EYA2: variants seen among roughly 807,000 people sequenced by gnomAD.
EYA2 encodes EYA transcriptional coactivator and phosphatase 2, also known as protein phosphatase EYA2.
A neutral mutation model predicts 69.2 loss-of-function variants in EYA2; 31 were observed. The ratio of observed to expected loss-of-function variants is 0.45; its 90% CI spans 0.34 to 0.60. EYA2 has a LOEUF of 0.60. Ranked by LOEUF, EYA2 falls within the 20% of genes least tolerant of loss-of-function variation. EYA2 has a pLI of 0.02. For missense variants in EYA2, 622 were observed against 701.2 expected (o/e 0.89, Z 1.28); for synonymous variants, 257 against 279.4 (o/e 0.92, Z 0.80).
intron 10 of EYA2, among the ~76,000 whole-genome samples, chr20:47,143,504 G>C (rs2033639598): frequency 6.6e-6 from 1 of 152,128 alleles, no homozygotes; most frequent in African/African-American, 2.4e-5. Context: ...AATTAGTACA[G>C]ATCCTCCTGG....
intron 1 of EYA2, among the ~76,000 whole-genome samples, chr20:46,948,818 C>T (rs770360483): frequency 1.5e-3 from 222 of 152,212 alleles, no homozygotes; most frequent in Non-Finnish European, 4.0e-4. Context: ...TCTAAGAGCA[C>T]TGTTCTTCAT....
intron 4 of EYA2, among the ~76,000 whole-genome samples, chr20:47,008,645 C>G (rs1459519127): frequency 6.6e-6 from 1 of 152,230 alleles, no homozygotes; most frequent in Non-Finnish European, 1.5e-5. Flanking sequence ...AGTTATTTTA[C>G]TGTCTCAGTT....
At chr20:46,983,407 G>C (rs1351284704) in intron 1 of EYA2, among the ~76,000 whole-genome samples, 1 of 152,142 alleles carries the variant, frequency 6.6e-6, no homozygotes, top group Non-Finnish European at 1.5e-5. Context: ...CTCAAGGCAG[G>C]ATCTATTTTG....
chr20:47,078,356 C>T (rs971472593), intron 7 of EYA2, among the ~76,000 whole-genome samples: 7 of 152,006 alleles, frequency 4.6e-5, no homozygotes, highest in Non-Finnish European at 8.8e-5. Flanking sequence ...CACACACACA[C>T]ACACACATTC....
chr20:46,895,757 C>G, intron 1 of EYA2, among the ~76,000 whole-genome samples: 1 of 152,196 alleles, frequency 6.6e-6, no homozygotes, highest in Non-Finnish European at 1.5e-5. Context: ...GCCTGCCTCC[C>G]CCCCAGCAAT....
At chr20:47,148,017 C>T (rs1414209649) in intron 10 of EYA2, among the ~76,000 whole-genome samples, 2 of 132,414 alleles carry the variant, frequency 1.5e-5, no homozygotes, top group Admixed American at 8.2e-5. Flanking sequence ...AGAGATCGCC[C>T]CACTGTACTC....
chr20:47,120,516 T>C (rs1425141184), intron 9 of EYA2, among the ~76,000 whole-genome samples: 1 of 152,244 alleles, frequency 6.6e-6, no homozygotes, highest in East Asian at 1.9e-4. Context: ...CCATAGCCCG[T>C]GTGCCCAATG....
chr20:47,069,067 A>C (rs534867177), intron 5 of EYA2, among the ~76,000 whole-genome samples: 1 of 152,316 alleles, frequency 6.6e-6, no homozygotes, highest in East Asian at 1.9e-4. Flanking sequence ...CTTATAAAAG[A>C]AGTCTGTTGA....
chr20:47,140,572 C>T (rs1007946223), intron 9 of EYA2, among the ~76,000 whole-genome samples: 8 of 152,170 alleles, frequency 5.3e-5, no homozygotes, highest in Admixed American at 3.9e-4. Context: ...CCTGTCGCTC[C>T]TCTCCCAACT....
At chr20:47,043,616 G>A (rs1466405109) in intron 5 of EYA2, among the ~76,000 whole-genome samples, 2 of 152,184 alleles carry the variant, frequency 1.3e-5, no homozygotes, top group Non-Finnish European at 2.9e-5. Context: ...GGTAGCCTTG[G>A]ACAAGTTTCT....
Position 46,932,387 on chromosome 20 carries a change from G to T in EYA2, c.-11+37400G>T, listed in dbSNP as rs563409092. 2.6e-5 allele frequency among the ~76,000 whole-genome samples: 4 copies of T among 152,296 alleles called. No homozygotes were observed. The East Asian group carries it at 7.7e-4, about 29-fold the overall frequency. On this transcript the variant is annotated intron_variant, in intron 1 of 15. Coordinates refer to ENST00000327619, the MANE Select transcript of EYA2 (RefSeq NM_005244.5). ...TTTAAAGGATGTGGGCTCTGGAATA[G>T]AGTTTAAACCCCAGCTCTGTTAGAT... is the stretch of plus-strand genomic sequence containing the variant.
chr20:47,067,908 T>G (rs1421880017), intron 5 of EYA2, among the ~76,000 whole-genome samples: 1 of 152,228 alleles, frequency 6.6e-6, no homozygotes, highest in Admixed American at 6.5e-5. Context: ...CATTCTGAGT[T>G]GATGTTTCTT....
At chr20:46,962,394 AC>A (rs1367323617) in intron 1 of EYA2, among the ~76,000 whole-genome samples, 1 of 152,154 alleles carries the variant, frequency 6.6e-6, no homozygotes, top group Non-Finnish European at 1.5e-5. Flanking sequence ...TATGCTAATT[AC>A]CCCAATACAT....
intron 7 of EYA2, among the ~76,000 whole-genome samples, chr20:47,086,730 G>T (rs947239747): frequency 1.3e-5 from 2 of 151,934 alleles, no homozygotes; most frequent in Non-Finnish European, 2.9e-5. Context: ...CGGGGACACA[G>T]ATCCAAACCA....
intron 2 of EYA2, among the ~76,000 whole-genome samples, chr20:46,991,113 G>T (rs1220530857): frequency 2.0e-5 from 3 of 152,202 alleles, no homozygotes; most frequent in Non-Finnish European, 4.4e-5. Context: ...TGGACCATTC[G>T]TGTAAACTGC....
intron 14 of EYA2, among the ~76,000 whole-genome samples, chr20:47,182,346 G>T (rs62201431): frequency 6.7e-6 from 1 of 150,316 alleles, no homozygotes; most frequent in Non-Finnish European, 1.5e-5. Context: ...GGTTAAGATG[G>T]GTCAGGCGCG....
At chr20:47,052,556 G>C (rs1397384375) in intron 5 of EYA2, among the ~76,000 whole-genome samples, 1 of 152,342 alleles carries the variant, frequency 6.6e-6, no homozygotes, top group East Asian at 1.9e-4. Context: ...GCTGAGATTT[G>C]CAGTGCCCTT....
chr20:47,109,006 A>G (rs2032673965), intron 9 of EYA2, among the ~76,000 whole-genome samples: 1 of 152,154 alleles, frequency 6.6e-6, no homozygotes, highest in African/African-American at 2.4e-5. Flanking sequence ...CGTTCTCTCC[A>G]CCCAGGGAGT....
Position 47,005,074 on chromosome 20 carries a change from C to G in EYA2, c.288C>G (p.Ile96Met). ...AYPPPAQAYG[I>M]PSYSIKTEDS... ...CACCTCCAGCACAAGCCTATGGAAT[C>G]CCTTCCTACAGTGAGTAGTAAACAA... The change falls in exon 4 of 16, where the codon ATC becomes ATG. Residue 96 changes from isoleucine (I) to methionine (M), a missense_variant. By Grantham distance (10) the Ile-to-Met change is conservative. This residue lies in a region of EYA2 where 365 missense variants were observed against 349.7 expected (regional missense o/e 1.04). Coordinates refer to ENST00000327619, the MANE Select transcript of EYA2 (RefSeq NM_005244.5). 6.2e-7 allele frequency: 1 copy of G among 1,613,692 alleles called. No individual in the cohort carries two copies. The highest frequency in any genetic ancestry group is 2.2e-5 in the East Asian group (1 of 44,888).
Sources: allele counts gnomAD v4.1 joint callset (sites outside exome capture counted in the v4.1 genomes callset), GRCh38; gene constraint gnomAD v4.1.1; regional missense constraint gnomAD v4.1.1; transcripts MANE v1.5; gene names NCBI Gene and HGNC (gene_info 2026-07-23, HGNC 2026-07-21).